VTI1B: variants seen among roughly 807,000 people sequenced by gnomAD.
The protein encoded by VTI1B is vesicle transport through interaction with t-SNAREs 1B, also known as vesicle transport through interaction with t-SNAREs homolog 1B.
In VTI1B, 18 loss-of-function variants were observed where a neutral mutation model predicts 28.6. The ratio of observed to expected loss-of-function variants is 0.63; its 90% CI spans 0.43 to 0.93. The LOEUF is 0.93. Among genes scored for constraint, VTI1B ranks in the 40% least tolerant of loss-of-function variants. The probability of loss-of-function intolerance (pLI) is 0.00; values close to 1 mark genes in which losing one functional copy is unlikely to be tolerated. For missense variants in VTI1B, 283 were observed against 297.0 expected (o/e 0.95, Z 0.35); for synonymous variants, 100 against 107.9 (o/e 0.93, Z 0.46).
intron 5 of VTI1B, chr14:67,652,289 A>G (rs916779603): frequency 1.3e-5 from 2 of 152,514 alleles, no homozygotes; most frequent in African/African-American, 4.8e-5. Context: ...TCAAAGAAGG[A>G]CTTATTTATT....
At chr14:67,664,894 T>C (rs2037381300) in intron 1 of VTI1B, among the ~76,000 whole-genome samples, 3 of 152,172 alleles carry the variant, frequency 2.0e-5, no homozygotes, top group South Asian at 4.1e-4. Flanking sequence ...TGAGACTGTG[T>C]CTCACTCTGT....
chr14:67,652,763 GA>G (rs1204126158), intron 5 of VTI1B: 1 of 152,168 alleles, frequency 6.6e-6, no homozygotes, highest in Non-Finnish European at 1.5e-5. Flanking sequence ...CTATGCAAGT[GA>G]AAACTACTTT....
chr14:67,659,661 C>A, intron 3 of VTI1B, 70 bp downstream of exon 3: 4 of 1,458,226 alleles, frequency 2.7e-6, no homozygotes, highest in Middle Eastern at 2.5e-4. Flanking sequence ...AATACCCCAA[C>A]AATATAGTTA....
At chr14:67,674,087 A>G (rs1306846575) in intron 1 of VTI1B, among the ~76,000 whole-genome samples, 1 of 152,206 alleles carries the variant, frequency 6.6e-6, no homozygotes, top group African/African-American at 2.4e-5. Context: ...CCCACTCTAC[A>G]TTACAGGACC....
rs530159117 is a variant in VTI1B at position 67,653,760 on chromosome 14, G to A, written c.541-262C>T. ...CCTGAGACTGAGCTAATCTTCTACC[G>A]TGGCTACTCCAAAAGGGAAGGCTTC... On this transcript the variant is annotated intron_variant, in intron 4 of 5. Transcript: ENST00000554659. 7.2e-5 allele frequency among the ~76,000 whole-genome samples: 11 copies of A among 152,316 alleles called. No individual in the cohort carries two copies. In the East Asian group the frequency reaches 1.2e-3, roughly 16 times the overall value.
At chr14:67,652,240 A>G (rs1223718977) in intron 5 of VTI1B, 1 of 152,272 alleles carries the variant, frequency 6.6e-6, no homozygotes, top group Non-Finnish European at 1.5e-5. Context: ...GGTAAAGACT[A>G]CTGTATTGGT....
At chr14:67,660,065 T>C (rs1005846469) in intron 2 of VTI1B, 143 bp from the exon 3 acceptor site, 10 of 821,070 alleles carry the variant, frequency 1.2e-5, no homozygotes, top group African/African-American at 1.7e-5. Flanking sequence ...GCAGGGACCA[T>C]GTCTGGCATG....
chr14:67,670,042 C>T (rs113125988), intron 1 of VTI1B, among the ~76,000 whole-genome samples: 3,511 of 152,260 alleles, frequency 0.023, 143 homozygotes, highest in African/African-American at 0.08. Flanking sequence ...CTGCAGTGAG[C>T]AGTGATGGTG....
intron 1 of VTI1B, among the ~76,000 whole-genome samples, chr14:67,671,184 A>G (rs1260091415): frequency 6.6e-6 from 1 of 152,162 alleles, no homozygotes; most frequent in African/African-American, 2.4e-5. Context: ...ATATGTATAT[A>G]TTTTCTTTAC....
At chr14:67,668,272 T>C (rs761513) in intron 1 of VTI1B, among the ~76,000 whole-genome samples, 19,442 of 152,178 alleles carry the variant, frequency 0.13, 1,296 homozygotes, top group East Asian at 0.21. Context: ...TCTGAGGTAA[T>C]TGGAGAGACC....
intron 3 of VTI1B, 32 bp from the exon 4 acceptor site, chr14:67,656,621 T>C (rs200392208): frequency 3.2e-6 from 5 of 1,575,350 alleles, no homozygotes; most frequent in Non-Finnish European, 3.5e-6. Context: ...AATGTTAGAC[T>C]TTTTCCATTA....
At chr14:67,665,893 G>A (rs2037396465) in intron 1 of VTI1B, among the ~76,000 whole-genome samples, 1 of 152,182 alleles carries the variant, frequency 6.6e-6, no homozygotes, top group Non-Finnish European at 1.5e-5. Flanking sequence ...ATGGCAAATG[G>A]TATGACTCTT....
At chr14:67,660,339 C>G (rs950879750) in intron 2 of VTI1B, 1 of 155,978 alleles carries the variant, frequency 6.4e-6, no homozygotes, top group African/African-American at 2.4e-5. Flanking sequence ...AATCCTGGCA[C>G]TTTGGGAAGC....
In VTI1B at chr14:67,665,259, C is replaced by CTT. The variant is rs574618223; in HGVS notation, c.116-2726_116-2725dup. ...CAACAGCATCTAATGTCAGTTATAT[C>CTT]TTTTTTTTTTTTTTTTTTTGAGACA... On this transcript the variant is annotated intron_variant, in intron 1 of 5. Transcript: ENST00000554659. Among the ~76,000 whole-genome samples, 730 of 126,502 alleles carry CTT rather than the reference C, an allele frequency of 5.8e-3. 16 individuals carry two copies. The highest frequency in any genetic ancestry group is 8.3e-3 in the Non-Finnish European group (517 of 62,034). The allele number at this position is 126,502 out of a possible 152,430, so 83.0% of individuals were successfully genotyped here. A position where few individuals can be genotyped will look rare whatever the true frequency, so the allele number is the denominator to read the frequency against.
In VTI1B at chr14:67,651,373, C is replaced by G. The variant is rs750935120; in HGVS notation, c.*12G>C. ...TCAAAGTTCTGGTCCACAAACCCTT[C>G]CCTATAGAAGTTCAATGGCTGCGAA... On this transcript the variant is annotated 3_prime_UTR_variant, in exon 6 of 6. Transcript: ENST00000554659. The G allele has an allele frequency of 1.9e-6, 3 of 1,613,584 alleles. No homozygotes were observed. Among genetic ancestry groups the G allele is most frequent in the Non-Finnish European group, 2.5e-6 (3 of 1,179,626 alleles).
At chr14:67,651,710 G>T in intron 5 of VTI1B, 4 of 373,296 alleles carry the variant, frequency 1.1e-5, no homozygotes, top group Admixed American at 4.3e-5. Flanking sequence ...GCATAAAAAT[G>T]GATTCTGAAA....
Position 67,660,988 on chromosome 14 carries a change from C to CT in VTI1B, c.175-1067dup, listed in dbSNP as rs1266062576. Among the ~76,000 whole-genome samples, 4 of 152,266 alleles carry CT rather than the reference C, an allele frequency of 2.6e-5. No homozygotes were observed. The East Asian group carries it at 7.7e-4, about 29-fold the overall frequency. On this transcript the variant is annotated intron_variant, in intron 2 of 5. Coordinates refer to ENST00000554659, the MANE Select transcript of VTI1B (RefSeq NM_006370.3). ...AGTTCCCACAGTCTAGTGGCCTGGT[C>CT]TTTCTTAAAACAGATGCAAAACAGA...
rs369359898 is a variant in VTI1B at position 67,660,071 on chromosome 14, G to T, written c.175-149C>A. 63 of 785,746 alleles carry T rather than the reference G, an allele frequency of 8.0e-5. 1 individual carries two copies. The African/African-American group carries it at 1.1e-3, about 13-fold the overall frequency. 48.7% of individuals were successfully genotyped at this position (785,746 alleles called of 1,614,324 possible). The stretch of plus-strand genomic sequence containing the variant: ...CTCCATGAGGCAGGGACCATGTCTG[G>T]CATGTTCCCCTCATTCTGAATGCCT... On this transcript the variant is annotated intron_variant, in intron 2 of 5. Transcript: ENST00000554659.
At position 67,650,980 on chromosome 14, in the gene VTI1B, G is replaced by A; in HGVS notation, c.*405C>T. 1 of 1,501,864 alleles carries A rather than the reference G, an allele frequency of 6.7e-7. No individual in the cohort carries two copies. The highest frequency in any genetic ancestry group is 1.7e-5 in the Admixed American group (1 of 57,744). The allele number at this position is 1,501,864 out of a possible 1,614,324, so 93.0% of individuals were successfully genotyped here. A position where few individuals can be genotyped will look rare whatever the true frequency, so the allele number is the denominator to read the frequency against. On this transcript the variant is annotated 3_prime_UTR_variant, in exon 6 of 6. Transcript: ENST00000554659. ...ATTCCAGAATTATGAGGCATTGAGG[G>A]GATAGATGAATACTAAATGGTTGTC...
Sources: gnomAD v4.1 joint callset for allele counts (sites outside exome capture counted in the v4.1 genomes callset) on GRCh38, gnomAD v4.1.1 for gene constraint, MANE v1.5 for transcripts, NCBI Gene and HGNC (gene_info 2026-07-23, HGNC 2026-07-21) for gene names.